The following NAALADL2 variants were observed in gnomAD, a reference collection of about 807,000 sequenced individuals.
The protein encoded by NAALADL2 is N-acetylated alpha-linked acidic dipeptidase like 2.
Under a neutral mutation model 87.2 loss-of-function variants are expected in NAALADL2, and 76 were observed. That is an observed-to-expected ratio of 0.87 (90% CI 0.72 to 1.05). The LOEUF (loss-of-function observed/expected upper bound fraction) is 1.05. NAALADL2 is among the 50% of genes least tolerant of loss of function. The pLI, the probability that NAALADL2 is intolerant of heterozygous loss-of-function variation, is 0.00. For missense variants in NAALADL2, 1,089 were observed against 945.8 expected (o/e 1.15, Z -1.99); for synonymous variants, 354 against 331.0 (o/e 1.07, Z -0.75).
chr3:174,728,521 C>G (rs937993938), intron 2 of NAALADL2, among the ~76,000 whole-genome samples: 3 of 152,060 alleles, frequency 2.0e-5, no homozygotes, highest in Admixed American at 1.3e-4. Flanking sequence ...CATCAGTACA[C>G]ACAGCTAATA....
chr3:175,133,090 C>T (rs1286014970), intron 2 of NAALADL2, among the ~76,000 whole-genome samples: 5 of 147,994 alleles, frequency 3.4e-5, no homozygotes, highest in East Asian at 2.1e-4. Flanking sequence ...GACGGGGCGG[C>T]GGGGCAGAGG....
At chr3:174,831,972 T>A (rs1329190761) in intron 3 of NAALADL2, among the ~76,000 whole-genome samples, 1 of 151,990 alleles carries the variant, frequency 6.6e-6, no homozygotes, top group African/African-American at 2.4e-5. Flanking sequence ...TATCATTTTT[T>A]ATTGCGTCTA....
At chr3:174,715,470 G>A (rs1731091554) in intron 2 of NAALADL2, among the ~76,000 whole-genome samples, 1 of 152,104 alleles carries the variant, frequency 6.6e-6, no homozygotes, top group Non-Finnish European at 1.5e-5. Flanking sequence ...CACATATTTT[G>A]TTAACTTATC....
chr3:175,604,156 T>C (rs1345635477), intron 10 of NAALADL2, among the ~76,000 whole-genome samples: 1 of 152,152 alleles, frequency 6.6e-6, no homozygotes, highest in African/African-American at 2.4e-5. Flanking sequence ...TTTTACATTC[T>C]CACCAATAAT....
In NAALADL2 at chr3:175,496,491, A is replaced by C. The variant is rs988346284; in HGVS notation, c.1653+24733A>C. Among the ~76,000 whole-genome samples the C allele has an allele frequency of 2.0e-5, 3 of 152,054 alleles. No individual in the cohort carries two copies. The East Asian group carries it at 5.8e-4, about 29-fold the overall frequency. ...TCTCCTGGCAAACCAGATGCACACC[A>C]ATTTCATATTTGGATTCTTTCACTT... On this transcript the variant is annotated intron_variant, in intron 9 of 13. Transcript: ENST00000454872.
chr3:175,561,705 C>A (rs1458020147), intron 9 of NAALADL2, among the ~76,000 whole-genome samples: 1 of 152,108 alleles, frequency 6.6e-6, no homozygotes, highest in Non-Finnish European at 1.5e-5. Flanking sequence ...CAGATTAAGG[C>A]CCTACACTTA....
chr3:174,592,134 T>C (rs892491688), intron 2 of NAALADL2, among the ~76,000 whole-genome samples: 3 of 152,208 alleles, frequency 2.0e-5, no homozygotes, highest in African/African-American at 7.2e-5. Context: ...CAGTAATTTA[T>C]TGTGAAGAAA....
chr3:174,972,447 G>C (rs1743816291), intron 1 of NAALADL2, among the ~76,000 whole-genome samples: 1 of 152,108 alleles, frequency 6.6e-6, no homozygotes, highest in Non-Finnish European at 1.5e-5. Flanking sequence ...TCGGCTTACA[G>C]ATGACCACCT....
At chr3:174,976,068 A>G (rs1178152953) in intron 1 of NAALADL2, among the ~76,000 whole-genome samples, 1 of 152,218 alleles carries the variant, frequency 6.6e-6, no homozygotes, top group Non-Finnish European at 1.5e-5. Flanking sequence ...CCCAAATACA[A>G]TTATGTACTA....
At chr3:174,839,640 A>G (rs1419848322) in intron 3 of NAALADL2, among the ~76,000 whole-genome samples, 1 of 152,136 alleles carries the variant, frequency 6.6e-6, no homozygotes, top group African/African-American at 2.4e-5. Flanking sequence ...ACTCAAAAAA[A>G]TCAGCAAGAA....
intron 2 of NAALADL2, among the ~76,000 whole-genome samples, chr3:175,148,460 C>T (rs1177028712): frequency 6.6e-6 from 1 of 152,000 alleles, no homozygotes; most frequent in Non-Finnish European, 1.5e-5. Flanking sequence ...TCAATTTTCT[C>T]AATTTTTGTT....
At position 175,100,253 on chromosome 3, in the gene NAALADL2, G is replaced by A. The variant is rs1310039517; in HGVS notation, c.545+2962G>A. Among the ~76,000 whole-genome samples, 5 of 151,944 alleles carry A rather than the reference G, an allele frequency of 3.3e-5. No individual in the cohort carries two copies. In the South Asian group the frequency reaches 6.2e-4, roughly 19 times the overall value. On this transcript the variant is annotated intron_variant, in intron 2 of 13. Transcript: ENST00000454872. ...AAAGCTTGAAAAAAATGAGAGTATG[G>A]CCCCAGAGATGATTATCCATTTTTG...
intron 3 of NAALADL2, among the ~76,000 whole-genome samples, chr3:175,238,656 T>G (rs908323334): frequency 7.9e-5 from 12 of 152,158 alleles, no homozygotes; most frequent in African/African-American, 2.7e-4. Flanking sequence ...TATATGCATA[T>G]ACAATACCTG....
At chr3:175,047,348 G>A (rs1424224355) in intron 1 of NAALADL2, among the ~76,000 whole-genome samples, 4 of 152,092 alleles carry the variant, frequency 2.6e-5, no homozygotes, top group South Asian at 2.1e-4. Context: ...ATAGCAGGGT[G>A]GCAATGGTTT....
At chr3:174,898,676 A>G (rs114153614) in intron 1 of NAALADL2, among the ~76,000 whole-genome samples, 1 of 152,150 alleles carries the variant, frequency 6.6e-6, no homozygotes, top group Non-Finnish European at 1.5e-5. Flanking sequence ...AAAATAAAAA[A>G]TTATATAATG....
intron 1 of NAALADL2, among the ~76,000 whole-genome samples, chr3:175,019,857 G>A (rs890390023): frequency 3.9e-5 from 6 of 152,000 alleles, no homozygotes; most frequent in South Asian, 2.1e-4. Flanking sequence ...TTACATATCT[G>A]ATAAAATTCT....
At chr3:175,083,077 G>A (rs551592634) in intron 1 of NAALADL2, among the ~76,000 whole-genome samples, 2 of 152,164 alleles carry the variant, frequency 1.3e-5, no homozygotes, top group African/African-American at 4.8e-5. Context: ...GTTCTGAAAG[G>A]CATATGTAAA....
At chr3:175,254,859 A>G (rs2109812868) in intron 3 of NAALADL2, among the ~76,000 whole-genome samples, 1 of 152,350 alleles carries the variant, frequency 6.6e-6, no homozygotes, top group Middle Eastern at 3.4e-3. Flanking sequence ...AATGAAAATC[A>G]TTCTGACAGA....
intron 1 of NAALADL2, among the ~76,000 whole-genome samples, chr3:174,969,293 C>T (rs1055865224): frequency 3.3e-5 from 5 of 152,148 alleles, no homozygotes; most frequent in Non-Finnish European, 4.4e-5. Context: ...CCTAGATTAG[C>T]GTACTTTCCT....
Sources: allele counts gnomAD v4.1 joint callset (sites outside exome capture counted in the v4.1 genomes callset), GRCh38; gene constraint gnomAD v4.1.1; transcripts MANE v1.5; gene names NCBI Gene and HGNC (gene_info 2026-07-23, HGNC 2026-07-21).